Variants in GALNTL6 observed in about 807,000 individuals in gnomAD.
GALNTL6 encodes polypeptide N-acetylgalactosaminyltransferase like 6.
In GALNTL6, 46 loss-of-function variants were observed where a neutral mutation model predicts 73.7. The observed-to-expected ratio is 0.62, with a 90% confidence interval of 0.49 to 0.80. GALNTL6 has a LOEUF of 0.80. Among genes scored for constraint, GALNTL6 ranks in the 30% least tolerant of loss-of-function variants. The pLI, the probability that GALNTL6 is intolerant of heterozygous loss-of-function variation, is 0.00. For synonymous variants in GALNTL6, 259 were observed against 263.7 expected, an observed-to-expected ratio of 0.98 and a Z score of 0.17; for missense variants, 604 against 755.0, an observed-to-expected ratio of 0.80 and a Z score of 2.34.
intron 2 of GALNTL6, among the ~76,000 whole-genome samples, chr4:171,903,757 G>C (rs1737184477): frequency 1.3e-5 from 2 of 152,096 alleles, no homozygotes; most frequent in Admixed American, 6.5e-5. Flanking sequence ...TGACAGCTTT[G>C]AAGAGAGCAG....
At chr4:172,772,184 C>T (rs1212007733) in intron 5 of GALNTL6, among the ~76,000 whole-genome samples, 1 of 152,174 alleles carries the variant, frequency 6.6e-6, no homozygotes, top group African/African-American at 2.4e-5. Context: ...AATTGCCTCC[C>T]ATCGGGTCCC....
At chr4:172,896,725 G>A (rs1746352203) in intron 8 of GALNTL6, among the ~76,000 whole-genome samples, 1 of 152,170 alleles carries the variant, frequency 6.6e-6, no homozygotes, top group Non-Finnish European at 1.5e-5. Flanking sequence ...AGCAGGAGGG[G>A]TCAAAGCTGA....
intron 12 of GALNTL6, among the ~76,000 whole-genome samples, chr4:173,028,710 G>A (rs565101252): frequency 1.3e-5 from 2 of 152,130 alleles, no homozygotes; most frequent in African/African-American, 4.8e-5. Context: ...ACCCCAACCT[G>A]TGCTGGATAA....
chr4:172,504,619 TA>T (rs1274413514), intron 5 of GALNTL6, among the ~76,000 whole-genome samples: 1,997 of 34,260 alleles, frequency 0.058, 717 homozygotes, highest in African/African-American at 0.13. Context: ...GTAAATGCTC[TA>T]AAAAAAAAAA....
intron 3 of GALNTL6, among the ~76,000 whole-genome samples, chr4:172,272,901 A>T (rs1738703254): frequency 6.6e-6 from 1 of 152,130 alleles, no homozygotes; most frequent in Non-Finnish European, 1.5e-5. Flanking sequence ...AGGTGAGAGA[A>T]AAGGAAGGAA....
chr4:173,002,576 T>A (rs1579766544), intron 10 of GALNTL6, among the ~76,000 whole-genome samples: 1 of 148,884 alleles, frequency 6.7e-6, no homozygotes, highest in Non-Finnish European at 1.5e-5. Flanking sequence ...GGGTGGATCA[T>A]GAGGTCAGGA....
chr4:172,183,636 C>G (rs1210204156), intron 2 of GALNTL6, among the ~76,000 whole-genome samples: 2 of 152,160 alleles, frequency 1.3e-5, no homozygotes, highest in Non-Finnish European at 1.5e-5. Flanking sequence ...CACTTTAGAG[C>G]TATCCTAGCC....
intron 2 of GALNTL6, among the ~76,000 whole-genome samples, chr4:171,900,410 C>A (rs151259908): frequency 6.6e-6 from 1 of 151,916 alleles, no homozygotes; most frequent in African/African-American, 2.4e-5. Context: ...CAGGTTCAAG[C>A]GATTTTCCTG....
At chr4:171,909,834 G>C (rs1477379127) in intron 2 of GALNTL6, among the ~76,000 whole-genome samples, 1 of 152,036 alleles carries the variant, frequency 6.6e-6, no homozygotes, top group Non-Finnish European at 1.5e-5. Flanking sequence ...TCAATATCTT[G>C]TAAGTGTTCA....
intron 5 of GALNTL6, among the ~76,000 whole-genome samples, chr4:172,557,654 G>A (rs1360534422): frequency 3.3e-5 from 5 of 152,098 alleles, no homozygotes; most frequent in African/African-American, 1.2e-4. Context: ...AATACCATTA[G>A]TCGTCATGAA....
intron 5 of GALNTL6, among the ~76,000 whole-genome samples, chr4:172,689,592 A>G (rs1733139597): frequency 2.0e-5 from 3 of 152,206 alleles, no homozygotes; most frequent in Non-Finnish European, 4.4e-5. Context: ...TTATTATTGC[A>G]ATTCACATAC....
intron 5 of GALNTL6, among the ~76,000 whole-genome samples, chr4:172,798,452 TTCTAC>T (rs1339925809): frequency 6.6e-6 from 1 of 152,218 alleles, no homozygotes; most frequent in African/African-American, 2.4e-5. Flanking sequence ...TCTCTCTTGC[TTCTAC>T]TCTGGCCACG....
chr4:172,710,848 C>T (rs1407156582), intron 5 of GALNTL6, among the ~76,000 whole-genome samples: 1 of 151,968 alleles, frequency 6.6e-6, no homozygotes, highest in Non-Finnish European at 1.5e-5. Context: ...AGGTAAAAGC[C>T]CATATTTAGC....
chr4:171,912,749 A>T (rs894601936), intron 2 of GALNTL6, among the ~76,000 whole-genome samples: 10 of 151,918 alleles, frequency 6.6e-5, no homozygotes, highest in African/African-American at 2.4e-4. Context: ...ACCCTTTACC[A>T]CCATGAGATC....
chr4:172,417,275 T>C (rs1730873513), intron 5 of GALNTL6, among the ~76,000 whole-genome samples: 1 of 152,122 alleles, frequency 6.6e-6, no homozygotes, highest in Non-Finnish European at 1.5e-5. Context: ...CCCACTTCAC[T>C]ATCCAATGAA....
chr4:172,448,622 C>G (rs779471146), intron 5 of GALNTL6, among the ~76,000 whole-genome samples: 1 of 152,116 alleles, frequency 6.6e-6, no homozygotes, highest in South Asian at 2.1e-4. Context: ...ATCTGGGGAA[C>G]GCTAGGAAAA....
intron 5 of GALNTL6, among the ~76,000 whole-genome samples, chr4:172,454,142 AAAT>A (rs1732309858): frequency 6.6e-6 from 1 of 152,204 alleles, no homozygotes; most frequent in Admixed American, 6.5e-5. Flanking sequence ...CCCATAAAAA[AAAT>A]AATAAGAGGC....
intron 5 of GALNTL6, among the ~76,000 whole-genome samples, chr4:172,500,685 T>G (rs972259316): frequency 6.6e-6 from 1 of 152,128 alleles, no homozygotes; most frequent in East Asian, 1.9e-4. Flanking sequence ...GTTTTTTTTT[T>G]TGTTTTTTGT....
Position 172,882,922 on chromosome 4 carries a change from C to G in GALNTL6, c.1041+15C>G. ...TCTCTTTTAAGGTAAGCCCCAAGAC[C>G]CTCTTCACACTATATCTGTATAATT... On this transcript the variant is annotated intron_variant, in intron 8 of 12. Transcript: ENST00000506823. The G allele has an allele frequency of 8.0e-7, 1 of 1,245,076 alleles. No homozygotes were observed. The highest frequency in any genetic ancestry group is 1.2e-6 in the Non-Finnish European group (1 of 847,134). 77.1% of individuals were successfully genotyped at this position (1,245,076 alleles called of 1,614,324 possible).
Sources: allele counts gnomAD v4.1 joint callset (sites outside exome capture counted in the v4.1 genomes callset), GRCh38; gene constraint gnomAD v4.1.1; transcripts MANE v1.5; gene names NCBI Gene and HGNC (gene_info 2026-07-23, HGNC 2026-07-21).